Variants in ADCY2 observed in about 807,000 individuals in gnomAD.
The protein encoded by ADCY2 is adenylate cyclase 2.
In ADCY2, 31 loss-of-function variants were observed where a neutral mutation model predicts 125.2. The ratio of observed to expected loss-of-function variants is 0.25; its 90% CI spans 0.19 to 0.33. The LOEUF (loss-of-function observed/expected upper bound fraction) is 0.33. Among genes scored for constraint, ADCY2 ranks in the 10% least tolerant of loss-of-function variants. The pLI, the probability that ADCY2 is intolerant of heterozygous loss-of-function variation, is 1.00. For synonymous variants in ADCY2, 512 were observed against 548.4 expected, an observed-to-expected ratio of 0.93 and a Z score of 0.93; for missense variants, 904 against 1,418.2, an observed-to-expected ratio of 0.64 and a Z score of 5.82.
chr5:7,460,622 A>G (rs1325949182), intron 2 of ADCY2, among the ~76,000 whole-genome samples: 2 of 152,180 alleles, frequency 1.3e-5, no homozygotes, highest in Non-Finnish European at 2.9e-5. Context: ...TTCAAAATGA[A>G]GGTGTCAAGG....
In ADCY2 at chr5:7,438,358, CAGG is replaced by C. The variant is rs148347901; in HGVS notation, c.408+23591_408+23593del. On this transcript the variant is annotated intron_variant, in intron 2 of 24. Coordinates refer to ENST00000338316, the MANE Select transcript of ADCY2 (RefSeq NM_020546.3). The stretch of plus-strand genomic sequence containing the variant: ...TGCCCTCATGGAGCTTACACTCTAC[CAGG>C]AGAAGGAGCAAACATAACATGCAAC... 9.8e-4 allele frequency among the ~76,000 whole-genome samples: 150 copies of C among 152,308 alleles called. 1 individual carries two copies. The highest frequency in any genetic ancestry group is 1.7e-3 in the Non-Finnish European group (117 of 68,034).
At chr5:7,779,308 G>C (rs917440358) in intron 18 of ADCY2, among the ~76,000 whole-genome samples, 1 of 152,156 alleles carries the variant, frequency 6.6e-6, no homozygotes, top group Non-Finnish European at 1.5e-5. Context: ...CGATATTTAG[G>C]CTCTTTTGTT....
intron 18 of ADCY2, among the ~76,000 whole-genome samples, chr5:7,779,001 C>T (rs1405122952): frequency 6.6e-6 from 1 of 152,168 alleles, no homozygotes; most frequent in Non-Finnish European, 1.5e-5. Context: ...ATTTTCGATT[C>T]CTTTCAGATT....
intron 4 of ADCY2, among the ~76,000 whole-genome samples, chr5:7,656,503 C>T (rs1323447298): frequency 1.3e-5 from 2 of 152,214 alleles, no homozygotes. Context: ...GGAAAATTCA[C>T]TAAATGACAT....
chr5:7,446,469 CTT>C (rs965521874), intron 2 of ADCY2, among the ~76,000 whole-genome samples: 5 of 151,856 alleles, frequency 3.3e-5, no homozygotes, highest in African/African-American at 1.2e-4. Flanking sequence ...TTTCAATTGT[CTT>C]TGTTGCTTGA....
At position 7,699,081 on chromosome 5, in the gene ADCY2, ATTTTTTTTTTTTTTT is replaced by A. The variant is rs561359357; in HGVS notation, c.1109+727_1109+741del. Among the ~76,000 whole-genome samples the A allele has an allele frequency of 9.5e-4, 36 of 37,970 alleles. 1 individual carries two copies. The highest frequency in any genetic ancestry group is 5.0e-3 in the Admixed American group (9 of 1,808). 24.9% of individuals were successfully genotyped at this position (37,970 alleles called of 152,430 possible). On this transcript the variant is annotated intron_variant, in intron 7 of 24. Transcript: ENST00000338316. ...CCTGAGTCAGGAAACAACAGTAAGC[ATTTTTTTTTTTTTTT>A]TTTTTTTTTTTTTTTTTTTGAGACG... is the stretch of plus-strand genomic sequence containing the variant.
At chr5:7,783,184 T>C (rs573062623) in intron 18 of ADCY2, among the ~76,000 whole-genome samples, 28 of 152,312 alleles carry the variant, frequency 1.8e-4, no homozygotes, top group African/African-American at 6.5e-4. Context: ...CCAGTCTGTG[T>C]TTCCTTATCT....
chr5:7,599,100 G>T (rs1168171081), intron 3 of ADCY2, among the ~76,000 whole-genome samples: 3 of 152,086 alleles, frequency 2.0e-5, no homozygotes, highest in African/African-American at 7.2e-5. Flanking sequence ...ATTTGTGCAG[G>T]GACAGCCCCC....
At chr5:7,706,176 G>T (rs995842941) in intron 7 of ADCY2, among the ~76,000 whole-genome samples, 5 of 152,134 alleles carry the variant, frequency 3.3e-5, no homozygotes, top group East Asian at 1.9e-4. Context: ...TGGTGATAAG[G>T]TCCTAAGAAG....
At chr5:7,602,034 G>T (rs1429864525) in intron 3 of ADCY2, among the ~76,000 whole-genome samples, 1 of 152,170 alleles carries the variant, frequency 6.6e-6, no homozygotes, top group African/African-American at 2.4e-5. Context: ...CTGCATCACT[G>T]CAACCTCTGT....
At chr5:7,652,747 A>C (rs1428820819) in intron 4 of ADCY2, among the ~76,000 whole-genome samples, 1 of 152,182 alleles carries the variant, frequency 6.6e-6, no homozygotes, top group African/African-American at 2.4e-5. Flanking sequence ...ATGCTAAGAC[A>C]ACCTGGTGAT....
chr5:7,475,520 T>A (rs1216035585), intron 2 of ADCY2, among the ~76,000 whole-genome samples: 1 of 152,122 alleles, frequency 6.6e-6, no homozygotes, highest in Non-Finnish European at 1.5e-5. Flanking sequence ...TATCTGGGAT[T>A]ACAGGCACGC....
intron 17 of ADCY2, among the ~76,000 whole-genome samples, chr5:7,772,026 G>A (rs1251769011): frequency 6.6e-6 from 1 of 152,134 alleles, no homozygotes; most frequent in African/African-American, 2.4e-5. Context: ...AGTCCCTCCT[G>A]GCGTGCAGGA....
intron 2 of ADCY2, among the ~76,000 whole-genome samples, chr5:7,440,376 TA>T (rs988217714): frequency 4.7e-4 from 71 of 152,358 alleles, no homozygotes; most frequent in African/African-American, 1.5e-3. Context: ...GATTATGCTC[TA>T]AAATGTTTAA....
chr5:7,587,286 A>G (rs1736660917), intron 3 of ADCY2, among the ~76,000 whole-genome samples: 1 of 152,088 alleles, frequency 6.6e-6, no homozygotes. Context: ...CTCCCAGGTG[A>G]TCACTTGGGG....
At chr5:7,599,282 A>G (rs113084421) in intron 3 of ADCY2, among the ~76,000 whole-genome samples, 1 of 152,326 alleles carries the variant, frequency 6.6e-6, no homozygotes, top group Non-Finnish European at 1.5e-5. Flanking sequence ...ATTGAGAAAT[A>G]GAGTAGGAGA....
intron 4 of ADCY2, among the ~76,000 whole-genome samples, chr5:7,673,771 C>A (rs568142122): frequency 2.6e-5 from 4 of 152,238 alleles, no homozygotes; most frequent in African/African-American, 9.6e-5. Context: ...CCTGACAATA[C>A]GTAGTAGCCA....
intron 4 of ADCY2, among the ~76,000 whole-genome samples, chr5:7,660,243 G>GGAAA (rs1163684283): frequency 0.012 from 473 of 40,498 alleles, 3 homozygotes; most frequent in African/African-American, 0.029. Context: ...AGGGAGAGAA[G>GGAAA]GAAGGAAGGA....
At chr5:7,549,128 A>T (rs1735244782) in intron 3 of ADCY2, among the ~76,000 whole-genome samples, 1 of 152,224 alleles carries the variant, frequency 6.6e-6, no homozygotes, top group African/African-American at 2.4e-5. Context: ...CATCAGTGCC[A>T]TGAAGTTGGC....
Sources: allele counts gnomAD v4.1 joint callset (sites outside exome capture counted in the v4.1 genomes callset), GRCh38; gene constraint gnomAD v4.1.1; transcripts MANE v1.5; gene names NCBI Gene and HGNC (gene_info 2026-07-23, HGNC 2026-07-21).